KIAA1328: variants seen among roughly 807,000 people sequenced by gnomAD.
The protein encoded by KIAA1328 is protein hinderin.
A neutral mutation model predicts 68.1 loss-of-function variants in KIAA1328; 52 were observed. That is an observed-to-expected ratio of 0.76 (90% CI 0.61 to 0.96). KIAA1328 has a LOEUF of 0.96. KIAA1328 is among the 40% of genes least tolerant of loss of function. The probability of loss-of-function intolerance (pLI) is 0.00; values close to 1 mark genes in which losing one functional copy is unlikely to be tolerated. For missense variants in KIAA1328, 641 were observed against 677.6 expected, an observed-to-expected ratio of 0.95 and a Z score of 0.60; for synonymous variants, 232 against 239.4, an observed-to-expected ratio of 0.97 and a Z score of 0.28.
At position 37,056,591 on chromosome 18, in the gene KIAA1328, G is replaced by A. The variant is rs996398532; in HGVS notation, c.577-10299G>A. Among the ~76,000 whole-genome samples, 4 of 152,130 alleles carry A rather than the reference G, an allele frequency of 2.6e-5. No individual in the cohort carries two copies. The South Asian group carries it at 6.2e-4, about 24-fold the overall frequency. The stretch of plus-strand genomic sequence containing the variant: ...TCCATAGCACACCATGTTAGAAGTC[G>A]CCCTTGATGGAAGTTATTTTTAGTA... On this transcript the variant is annotated intron_variant, in intron 6 of 9. Transcript: ENST00000280020.
chr18:37,050,210 A>G (rs1208946934), intron 6 of KIAA1328, among the ~76,000 whole-genome samples: 2 of 151,868 alleles, frequency 1.3e-5, no homozygotes, highest in Non-Finnish European at 2.9e-5. Context: ...AAACCAAACC[A>G]AGAGGGTGGC....
chr18:37,147,777 G>A (rs1043900882), intron 7 of KIAA1328, among the ~76,000 whole-genome samples: 7 of 152,014 alleles, frequency 4.6e-5, no homozygotes, highest in Non-Finnish European at 7.4e-5. Flanking sequence ...AAAATTTCTC[G>A]TAGTATTGCC....
intron 9 of KIAA1328, among the ~76,000 whole-genome samples, chr18:37,187,351 T>C (rs990131971): frequency 6.6e-6 from 1 of 151,994 alleles, no homozygotes; most frequent in African/African-American, 2.4e-5. Flanking sequence ...TGTATTAGAA[T>C]AGGGACCCTG....
intron 9 of KIAA1328, among the ~76,000 whole-genome samples, chr18:37,214,833 G>C (rs1291604987): frequency 6.6e-6 from 1 of 152,152 alleles, no homozygotes; most frequent in Non-Finnish European, 1.5e-5. Flanking sequence ...TCATTGAGCA[G>C]TGGTTTGTAG....
intron 9 of KIAA1328, among the ~76,000 whole-genome samples, chr18:37,182,504 G>A (rs2059717139): frequency 6.6e-6 from 1 of 152,110 alleles, no homozygotes; most frequent in Non-Finnish European, 1.5e-5. Context: ...TTTATGTAAA[G>A]TACGTAGCAC....
At chr18:36,902,908 T>A (rs2049089745) in intron 5 of KIAA1328, among the ~76,000 whole-genome samples, 1 of 152,108 alleles carries the variant, frequency 6.6e-6, no homozygotes, top group Non-Finnish European at 1.5e-5. Context: ...ATTTTTTCCA[T>A]TGTTAGGATA....
intron 1 of KIAA1328, 116 bp from the exon 2 acceptor site, chr18:36,834,200 AAGTT>A (rs1414109189): frequency 2.2e-5 from 27 of 1,248,950 alleles, no homozygotes; most frequent in African/African-American, 3.1e-5. Flanking sequence ...TTGTTTTTAA[AAGTT>A]AGTTACAAAT....
chr18:37,000,133 CAGGT>C (rs2053535556), intron 6 of KIAA1328, among the ~76,000 whole-genome samples: 1 of 152,002 alleles, frequency 6.6e-6, no homozygotes. Flanking sequence ...TGTAAAGACA[CAGGT>C]AGCCTGAAAG....
intron 7 of KIAA1328, among the ~76,000 whole-genome samples, chr18:37,068,954 C>G (rs932880157): frequency 1.3e-5 from 2 of 151,952 alleles, no homozygotes; most frequent in Non-Finnish European, 2.9e-5. Context: ...TTAATGAGAT[C>G]TTTCATAGAG....
chr18:37,156,254 A>T (rs980157709), intron 7 of KIAA1328, among the ~76,000 whole-genome samples: 1 of 151,902 alleles, frequency 6.6e-6, no homozygotes, highest in Non-Finnish European at 1.5e-5. Flanking sequence ...TAAAAAATAC[A>T]AAGTTAGCCG....
At chr18:37,113,396 T>A (rs766000293) in intron 7 of KIAA1328, among the ~76,000 whole-genome samples, 27 of 152,152 alleles carry the variant, frequency 1.8e-4, no homozygotes, top group Non-Finnish European at 3.8e-4. Context: ...GAATTTCATA[T>A]CCAGCCAAAC....
chr18:36,878,073 T>C (rs1045719232), intron 4 of KIAA1328, among the ~76,000 whole-genome samples: 1 of 152,164 alleles, frequency 6.6e-6, no homozygotes, highest in Non-Finnish European at 1.5e-5. Flanking sequence ...TTATTTTGCC[T>C]ATTCGTTGAT....
chr18:36,894,528 C>T (rs2048805946), intron 5 of KIAA1328, among the ~76,000 whole-genome samples: 1 of 151,604 alleles, frequency 6.6e-6, no homozygotes, highest in South Asian at 2.1e-4. Context: ...TTAAGGACTA[C>T]TTTTCTTTTT....
intron 7 of KIAA1328, among the ~76,000 whole-genome samples, chr18:37,156,101 C>CTTT (rs1476116387): frequency 1.3e-5 from 2 of 151,948 alleles, no homozygotes; most frequent in Non-Finnish European, 2.9e-5. Context: ...ACTAAAATCT[C>CTTT]TTTAAGAATA....
chr18:37,092,704 A>G (rs1216791110), intron 7 of KIAA1328, among the ~76,000 whole-genome samples: 1 of 152,098 alleles, frequency 6.6e-6, no homozygotes, highest in Non-Finnish European at 1.5e-5. Flanking sequence ...CAGAATCCCA[A>G]GGACTGGCCT....
chr18:37,099,210 T>G (rs999121305), intron 7 of KIAA1328, among the ~76,000 whole-genome samples: 2 of 152,336 alleles, frequency 1.3e-5, no homozygotes, highest in East Asian at 3.9e-4. Context: ...TTGTGGGCAT[T>G]TAGTGCTATA....
chr18:36,934,372 C>T (rs1304395427), intron 5 of KIAA1328, among the ~76,000 whole-genome samples: 1 of 151,884 alleles, frequency 6.6e-6, no homozygotes, highest in Non-Finnish European at 1.5e-5. Flanking sequence ...AGGTTAGTTA[C>T]ATATGTATAC....
intron 7 of KIAA1328, among the ~76,000 whole-genome samples, chr18:37,129,308 A>G (rs1300531227): frequency 6.6e-6 from 1 of 152,218 alleles, no homozygotes; most frequent in Non-Finnish European, 1.5e-5. Context: ...CCAGTGGAAA[A>G]AAAAACCACG....
intron 5 of KIAA1328, among the ~76,000 whole-genome samples, chr18:36,913,472 A>G (rs1249155781): frequency 7.3e-6 from 1 of 136,966 alleles, no homozygotes; most frequent in African/African-American, 2.8e-5. Flanking sequence ...AAAGGCAATT[A>G]CAACCTTACA....
Sources: allele counts gnomAD v4.1 joint callset (sites outside exome capture counted in the v4.1 genomes callset), GRCh38; gene constraint gnomAD v4.1.1; transcripts MANE v1.5; gene names NCBI Gene and HGNC (gene_info 2026-07-23, HGNC 2026-07-21).